SCHIP1: variants seen among roughly 807,000 people sequenced by gnomAD.
The protein encoded by SCHIP1 is schwannomin-interacting protein 1.
A neutral mutation model predicts 29.7 loss-of-function variants in SCHIP1; 8 were observed. The observed-to-expected ratio is 0.27, with a 90% confidence interval of 0.16 to 0.49. The LOEUF is 0.49. Ranked by LOEUF, SCHIP1 falls within the 20% of genes least tolerant of loss-of-function variation. SCHIP1 has a pLI of 0.99. For missense variants in SCHIP1, 193 were observed against 294.6 expected (o/e 0.66, Z 2.52); for synonymous variants, 76 against 94.9 (o/e 0.80, Z 1.16).
chr3:159,332,982 T>C, the SCHIP1 span, among the ~76,000 whole-genome samples: 63 of 152,304 alleles, frequency 4.1e-4, no homozygotes, highest in African/African-American at 1.3e-3. Flanking sequence ...TCAGTGCCTG[T>C]TGGAGACACA....
intron 2 of SCHIP1, among the ~76,000 whole-genome samples, chr3:159,877,958 A>G (rs532163326): frequency 6.6e-6 from 1 of 152,234 alleles, no homozygotes; most frequent in Non-Finnish European, 1.5e-5. Context: ...GTTGAATCAG[A>G]GTCCATCCAC....
At chr3:159,552,939 A>G in the SCHIP1 span, among the ~76,000 whole-genome samples, 1 of 152,130 alleles carries the variant, frequency 6.6e-6, no homozygotes, top group Non-Finnish European at 1.5e-5. Flanking sequence ...ATCTTTTATA[A>G]CCAGAATCAT....
the SCHIP1 span, among the ~76,000 whole-genome samples, chr3:159,619,382 C>T: frequency 6.6e-6 from 1 of 152,124 alleles, no homozygotes; most frequent in Non-Finnish European, 1.5e-5. Context: ...ACAGCCTGTA[C>T]CTCTGGAGTG....
chr3:159,424,795 G>A, the SCHIP1 span, among the ~76,000 whole-genome samples: 1 of 152,108 alleles, frequency 6.6e-6, no homozygotes, highest in East Asian at 1.9e-4. Flanking sequence ...CAGAGAGAAA[G>A]GTAGGGTTAC....
At chr3:159,680,677 T>TAC in the SCHIP1 span, among the ~76,000 whole-genome samples, 1 of 83,474 alleles carries the variant, frequency 1.2e-5, no homozygotes, top group Non-Finnish European at 2.1e-5. Flanking sequence ...ATATTATATA[T>TAC]ATAATATATG....
the SCHIP1 span, among the ~76,000 whole-genome samples, chr3:159,568,596 T>G: frequency 1.3e-5 from 2 of 152,100 alleles, no homozygotes; most frequent in Non-Finnish European, 2.9e-5. Flanking sequence ...TCTAATGGAT[T>G]GCTGGAATTG....
At chr3:159,322,232 T>C in the SCHIP1 span, among the ~76,000 whole-genome samples, 2 of 152,140 alleles carry the variant, frequency 1.3e-5, no homozygotes, top group African/African-American at 2.4e-5. Context: ...AGACACCATT[T>C]TGGTGTTTCA....
At chr3:159,421,041 A>G in the SCHIP1 span, among the ~76,000 whole-genome samples, 1 of 152,224 alleles carries the variant, frequency 6.6e-6, no homozygotes, top group Non-Finnish European at 1.5e-5. Context: ...TTCATCAAGG[A>G]TGAGACTGAT....
chr3:159,315,299 C>T, the SCHIP1 span, among the ~76,000 whole-genome samples: 9 of 150,042 alleles, frequency 6.0e-5, no homozygotes, highest in South Asian at 2.1e-4. Flanking sequence ...CCCGGGTTCA[C>T]GCCATTCTCC....
At chr3:159,625,652 G>C in the SCHIP1 span, among the ~76,000 whole-genome samples, 2 of 152,056 alleles carry the variant, frequency 1.3e-5, no homozygotes, top group African/African-American at 4.8e-5. Context: ...CTGGGCAAAG[G>C]CTACAAATGG....
the SCHIP1 span, among the ~76,000 whole-genome samples, chr3:159,497,671 G>A: frequency 6.6e-6 from 1 of 151,750 alleles, no homozygotes; most frequent in African/African-American, 2.4e-5. Flanking sequence ...AGGGTGAGAG[G>A]GAGGGAAGAG....
chr3:159,853,902 T>C (rs1287429909), intron 1 of SCHIP1, among the ~76,000 whole-genome samples: 1 of 152,260 alleles, frequency 6.6e-6, no homozygotes, highest in Non-Finnish European at 1.5e-5. Flanking sequence ...TAAAAGTTGA[T>C]ACAGTATCTG....
At chr3:159,599,297 G>C in the SCHIP1 span, among the ~76,000 whole-genome samples, 1 of 152,104 alleles carries the variant, frequency 6.6e-6, no homozygotes, top group Non-Finnish European at 1.5e-5. Context: ...GGGAACAAGT[G>C]GTTTGGTTAC....
chr3:159,635,623 T>A, the SCHIP1 span, among the ~76,000 whole-genome samples: 1 of 152,200 alleles, frequency 6.6e-6, no homozygotes, highest in African/African-American at 2.4e-5. Flanking sequence ...AGAAAATGAA[T>A]GATGAATGAC....
chr3:159,364,076 A>G, the SCHIP1 span, among the ~76,000 whole-genome samples: 1,197 of 152,328 alleles, frequency 7.9e-3, 10 homozygotes, highest in Non-Finnish European at 0.012. Context: ...TAATAATAGT[A>G]AAATACAGAT....
At chr3:159,315,682 G>C in the SCHIP1 span, among the ~76,000 whole-genome samples, 1 of 152,114 alleles carries the variant, frequency 6.6e-6, no homozygotes, top group African/African-American at 2.4e-5. Context: ...AACTTAAGTA[G>C]AAGGTAAGAG....
chr3:159,305,845 A>C, the SCHIP1 span, among the ~76,000 whole-genome samples: 1 of 152,258 alleles, frequency 6.6e-6, no homozygotes, highest in Non-Finnish European at 1.5e-5. Context: ...ATTGAAACTG[A>C]CTTGGTCTAA....
At chr3:159,605,281 A>G in the SCHIP1 span, among the ~76,000 whole-genome samples, 1 of 152,242 alleles carries the variant, frequency 6.6e-6, no homozygotes. Flanking sequence ...TAATCTGCCA[A>G]ATTAAATTTC....
the SCHIP1 span, among the ~76,000 whole-genome samples, chr3:159,425,989 A>C: frequency 6.6e-6 from 1 of 152,308 alleles, no homozygotes; most frequent in South Asian, 2.1e-4. Context: ...GTTCTTTGAA[A>C]CCAACAAGAA....
Sources: allele counts gnomAD v4.1 joint callset (sites outside exome capture counted in the v4.1 genomes callset), GRCh38; gene constraint gnomAD v4.1.1; transcripts MANE v1.5; gene names NCBI Gene and HGNC (gene_info 2026-07-23, HGNC 2026-07-21).